Variants in PCDH15 observed in about 807,000 individuals in gnomAD.
PCDH15 encodes the protein protocadherin related 15.
In PCDH15, 129 loss-of-function variants were observed where a neutral mutation model predicts 178.5. The observed-to-expected ratio is 0.72, with a 90% CI of 0.63 to 0.84. The LOEUF is 0.84. Ranked by LOEUF, PCDH15 falls within the 40% of genes least tolerant of loss-of-function variation. The pLI, the probability that PCDH15 is intolerant of heterozygous loss-of-function variation, is 0.00. For missense variants in PCDH15, 2,230 were observed against 2,099.9 expected, an observed-to-expected ratio of 1.06 and a Z score of -1.21; for synonymous variants, 800 against 732.0, an observed-to-expected ratio of 1.09 and a Z score of -1.50.
chr10:54,281,143 C>A (rs142402790), intron 8 of PCDH15, among the ~76,000 whole-genome samples: 33 of 151,916 alleles, frequency 2.2e-4, no homozygotes, highest in African/African-American at 7.7e-4. Context: ...ACAGCCTTGT[C>A]TTTAATTAGC....
intron 13 of PCDH15, among the ~76,000 whole-genome samples, chr10:54,156,021 T>C (rs1162319592): frequency 1.3e-5 from 2 of 152,182 alleles, no homozygotes; most frequent in African/African-American, 2.4e-5. Flanking sequence ...ATCTGCTTCC[T>C]AAATGAAAAG....
chr10:54,289,707 C>G (rs573458288), intron 8 of PCDH15, among the ~76,000 whole-genome samples: 16 of 152,254 alleles, frequency 1.1e-4, no homozygotes, highest in African/African-American at 3.6e-4. Flanking sequence ...CTTAAATGAA[C>G]TGATGGAGCT....
chr10:54,710,289 G>C (rs540649987), intron 1 of PCDH15, among the ~76,000 whole-genome samples: 2 of 146,968 alleles, frequency 1.4e-5, no homozygotes, highest in South Asian at 2.1e-4. Flanking sequence ...TGTATCTAAG[G>C]GTTTTACAAA....
chr10:55,279,331 T>G (rs1842671829), intron 1 of PCDH15, among the ~76,000 whole-genome samples: 1 of 152,148 alleles, frequency 6.6e-6, no homozygotes, highest in Admixed American at 6.6e-5. Flanking sequence ...ATATTTAAAT[T>G]CAGAAAAGTA....
chr10:55,481,699 CTG>C (rs1397125474), intron 2 of PCDH15, among the ~76,000 whole-genome samples: 1 of 151,622 alleles, frequency 6.6e-6, no homozygotes, highest in African/African-American at 2.4e-5. Flanking sequence ...GTCTGAGAGA[CTG>C]TTTGTTATTA....
At chr10:54,172,623 G>T (rs1392250752) in intron 13 of PCDH15, among the ~76,000 whole-genome samples, 1 of 152,026 alleles carries the variant, frequency 6.6e-6, no homozygotes, top group African/African-American at 2.4e-5. Context: ...ATATACTAAA[G>T]AAAATAGTAT....
In PCDH15 at chr10:55,305,796, T is replaced by G. The variant is rs187706320; in HGVS notation, c.-156+13803A>C. Among the ~76,000 whole-genome samples, 350 of 152,318 alleles carry G rather than the reference T, an allele frequency of 2.3e-3. 1 individual carries two copies. The highest frequency in any genetic ancestry group is 8.2e-3 in the African/African-American group (341 of 41,572). On this transcript the variant is annotated intron_variant, in intron 1 of 5. Coordinates refer to the PCDH15 transcript ENST00000458638. ...GTTTCAAGGACAGAATTTGTCAATG[T>G]CCATAAATGTACTTTGTGAATTTTA...
intron 2 of PCDH15, among the ~76,000 whole-genome samples, chr10:55,049,604 A>C: frequency 6.6e-6 from 1 of 152,126 alleles, no homozygotes; most frequent in East Asian, 1.9e-4. Flanking sequence ...TTGAACATAT[A>C]ACTAAGTATT....
rs145697499 is a variant in PCDH15, at chr10:54,689,622, A to G, written c.-28-25332T>C. On this transcript the variant is annotated intron_variant, in intron 1 of 37. Transcript: ENST00000644397. ...ATGACACTTCTATTAACATTCATCA[A>G]TTTATGAAATAACGACATTAAGTAA... 5.2e-4 allele frequency among the ~76,000 whole-genome samples: 79 copies of G among 152,334 alleles called. No homozygotes were observed. In the East Asian group the frequency reaches 0.013, roughly 25 times the overall value.
At chr10:55,358,908 A>G (rs1845147146) in intron 2 of PCDH15, among the ~76,000 whole-genome samples, 1 of 152,146 alleles carries the variant, frequency 6.6e-6, no homozygotes. Flanking sequence ...AAATATTTTA[A>G]GGACCATGCA....
chr10:54,368,488 G>A (rs1310142756), intron 5 of PCDH15, among the ~76,000 whole-genome samples: 7 of 150,990 alleles, frequency 4.6e-5, no homozygotes, highest in East Asian at 1.9e-4. Context: ...CAGTAACCAC[G>A]GTTTAAAAAA....
intron 2 of PCDH15, among the ~76,000 whole-genome samples, chr10:54,970,744 C>A (rs1838911162): frequency 1.3e-5 from 2 of 152,120 alleles, no homozygotes; most frequent in Non-Finnish European, 2.9e-5. Context: ...TCCACACTAC[C>A]TTTGCTACCT....
chr10:54,320,704 A>C (rs2061548287), intron 7 of PCDH15, among the ~76,000 whole-genome samples: 1 of 151,980 alleles, frequency 6.6e-6, no homozygotes, highest in African/African-American at 2.4e-5. Context: ...TGATTTGTTC[A>C]GTCAGCATAT....
chr10:54,347,330 C>G (rs1293982081), intron 5 of PCDH15, among the ~76,000 whole-genome samples: 1 of 152,022 alleles, frequency 6.6e-6, no homozygotes, highest in Admixed American at 6.6e-5. Flanking sequence ...CCATACCACC[C>G]CTCAAATAGC....
intron 25 of PCDH15, among the ~76,000 whole-genome samples, chr10:53,913,638 G>A (rs2133802312): frequency 6.6e-6 from 1 of 151,956 alleles, no homozygotes; most frequent in Non-Finnish European, 1.5e-5. Context: ...CAGCTACTCG[G>A]GAGGCTGAGG....
At chr10:53,901,022 A>G (rs1294767623) in intron 26 of PCDH15, among the ~76,000 whole-genome samples, 1 of 152,122 alleles carries the variant, frequency 6.6e-6, no homozygotes, top group Non-Finnish European at 1.5e-5. Flanking sequence ...ATCCTCTTTT[A>G]TCAATCTTGT....
intron 2 of PCDH15, among the ~76,000 whole-genome samples, chr10:54,581,012 G>C (rs1258180584): frequency 1.3e-5 from 2 of 152,018 alleles, no homozygotes. Context: ...ATGGGCAAAA[G>C]CGGGATCAAT....
At chr10:54,861,052 G>T (rs1953833351) in intron 3 of PCDH15, among the ~76,000 whole-genome samples, 1 of 152,014 alleles carries the variant, frequency 6.6e-6, no homozygotes, top group Non-Finnish European at 1.5e-5. Flanking sequence ...TGAGAACTCT[G>T]TTTCTCTTCT....
intron 1 of PCDH15, among the ~76,000 whole-genome samples, chr10:55,293,698 A>C (rs916887288): frequency 2.6e-5 from 4 of 152,166 alleles, no homozygotes; most frequent in African/African-American, 9.7e-5. Context: ...ACATAACAAG[A>C]GTTACCTTTG....
Sources: allele counts gnomAD v4.1 joint callset (sites outside exome capture counted in the v4.1 genomes callset), GRCh38; gene constraint gnomAD v4.1.1; transcripts MANE v1.5; gene names NCBI Gene and HGNC (gene_info 2026-07-23, HGNC 2026-07-21).